TMEM132B: variants seen among roughly 807,000 people sequenced by gnomAD.
TMEM132B encodes the protein transmembrane protein 132B.
TMEM132B carries 18 observed loss-of-function variants against 90.8 expected under a neutral mutation model. The observed-to-expected ratio is 0.20, with a 90% CI of 0.14 to 0.29. The LOEUF (loss-of-function observed/expected upper bound fraction) is 0.29. Ranked by LOEUF, TMEM132B falls within the 10% of genes least tolerant of loss-of-function variation. The probability of loss-of-function intolerance (pLI) is 1.00; values close to 1 mark genes in which losing one functional copy is unlikely to be tolerated. For synonymous variants in TMEM132B, 504 were observed against 523.3 expected (o/e 0.96, Z 0.50); for missense variants, 1,096 against 1,326.8 (o/e 0.83, Z 2.70).
At chr12:125,393,647 C>T (rs934537409) in intron 2 of TMEM132B, among the ~76,000 whole-genome samples, 3 of 152,172 alleles carry the variant, frequency 2.0e-5, no homozygotes, top group Non-Finnish European at 4.4e-5. Context: ...ACAGCTGGCA[C>T]ACCTCAAAGA....
chr12:125,349,951 G>A lies in TMEM132B; in HGVS notation c.567G>A (p.Val189=). 1 of 1,614,200 alleles carries A rather than the reference G, an allele frequency of 6.2e-7. No homozygotes were observed. The highest frequency in any genetic ancestry group is 8.5e-7 in the Non-Finnish European group (1 of 1,180,042). Residue 189 remains valine (V), a synonymous_variant, in exon 2 of 9, where the codon GTG becomes GTA. Transcript: ENST00000682704. This position sits in a 1 kb window ranked among gnomAD's most constrained non-coding sequence, Gnocchi z 4.1. ...TGCAAGGGGCCCCAGGGCTGTGTGT[G>A]GCTGAGCTGGAGCTGCTGCCCGAGT... ...CRLQGAPGLC[V]AELELLPEWF...
rs139460526 is a variant in TMEM132B at position 125,422,832 on chromosome 12, G to A, written c.1106+7155G>A. ...CCCCTGGAGCCCTCGGCAGGAGCAC[G>A]TTTCTTTCAACACCTTGACTTTGGA... is the stretch of plus-strand genomic sequence containing the variant. On this transcript the variant is annotated intron_variant, in intron 3 of 8. Transcript: ENST00000682704. Among the ~76,000 whole-genome samples, 96 of 152,292 alleles carry A rather than the reference G, an allele frequency of 6.3e-4. 1 individual carries two copies. Among genetic ancestry groups the A allele is most frequent in the Admixed American group, 5.6e-3 (85 of 15,288 alleles).
Position 125,342,104 on chromosome 12 carries a change from TAG to T in TMEM132B, c.68-7344_68-7343del, listed in dbSNP as rs1877200574. ...CTTAAAGCCATTCTGTGGACTCTGA[TAG>T]AGACAAGCCACTCTGGATTCTGACT... On this transcript the variant is annotated intron_variant, in intron 1 of 8. Transcript: ENST00000682704. Among the ~76,000 whole-genome samples the T allele has an allele frequency of 2.6e-5, 4 of 152,314 alleles. No individual in the cohort carries two copies. The South Asian group carries it at 6.2e-4, about 24-fold the overall frequency.
intron 1 of TMEM132B, among the ~76,000 whole-genome samples, chr12:125,227,069 A>T (rs549894654): frequency 2.4e-4 from 36 of 152,224 alleles, no homozygotes; most frequent in Non-Finnish European, 4.3e-4. Flanking sequence ...AAGTGCCAGG[A>T]GTGAGTGACC....
intron 3 of TMEM132B, among the ~76,000 whole-genome samples, chr12:125,513,322 ATGTGCG>A (rs60822254): frequency 0.1 from 15,876 of 152,144 alleles, 1,176 homozygotes; most frequent in African/African-American, 0.21. Flanking sequence ...ACATACTTGT[ATGTGCG>A]TGTGCGTGTG....
intron 1 of TMEM132B, among the ~76,000 whole-genome samples, chr12:125,219,931 C>T (rs896357822): frequency 1.3e-5 from 2 of 152,188 alleles, no homozygotes; most frequent in Non-Finnish European, 2.9e-5. Flanking sequence ...TCATCAATAG[C>T]GACAGCTAAC....
At chr12:125,580,015 G>T (rs1406966171) in intron 4 of TMEM132B, among the ~76,000 whole-genome samples, 4 of 151,954 alleles carry the variant, frequency 2.6e-5, no homozygotes, top group Non-Finnish European at 5.9e-5. Context: ...TCTCTGCTTG[G>T]TTAGCTTGGT....
At chr12:125,625,287 C>T (rs540674587) in intron 5 of TMEM132B, among the ~76,000 whole-genome samples, 2 of 152,136 alleles carry the variant, frequency 1.3e-5, no homozygotes, top group East Asian at 1.9e-4. Flanking sequence ...CGCCCGCCCC[C>T]ACGCCCAGCT....
At chr12:125,627,663 A>G (rs1390914127) in intron 5 of TMEM132B, among the ~76,000 whole-genome samples, 1 of 152,132 alleles carries the variant, frequency 6.6e-6, no homozygotes, top group African/African-American at 2.4e-5. Flanking sequence ...CCTTTGTGTT[A>G]CAATCCAGTT....
chr12:125,220,869 C>G (rs1177324949), intron 1 of TMEM132B, among the ~76,000 whole-genome samples: 1 of 152,224 alleles, frequency 6.6e-6, no homozygotes, highest in Non-Finnish European at 1.5e-5. Flanking sequence ...TGAGCTTGGC[C>G]CACAAGGCCT....
chr12:125,272,436 C>T (rs7300238), intron 1 of TMEM132B, among the ~76,000 whole-genome samples: 18,081 of 152,146 alleles, frequency 0.12, 3,288 homozygotes, highest in African/African-American at 0.39. Flanking sequence ...ACTCCCTCTT[C>T]GGTCCAGCGA....
chr12:125,506,511 T>C (rs1882850405), intron 3 of TMEM132B, among the ~76,000 whole-genome samples: 1 of 152,196 alleles, frequency 6.6e-6, no homozygotes, highest in Non-Finnish European at 1.5e-5. Context: ...TTTTATCCCA[T>C]GTAAATTATA....
At chr12:125,549,313 C>T (rs1317303185) in intron 4 of TMEM132B, among the ~76,000 whole-genome samples, 1 of 152,212 alleles carries the variant, frequency 6.6e-6, no homozygotes, top group African/African-American at 2.4e-5. Context: ...CTCTGTTGAA[C>T]CCACCCACGC....
intron 4 of TMEM132B, among the ~76,000 whole-genome samples, chr12:125,556,271 C>G (rs947066941): frequency 6.6e-6 from 1 of 152,152 alleles, no homozygotes; most frequent in Non-Finnish European, 1.5e-5. Flanking sequence ...TTATCCTGAC[C>G]TGAACGTCAC....
chr12:125,346,773 T>A (rs901219540), intron 1 of TMEM132B, among the ~76,000 whole-genome samples: 2 of 152,242 alleles, frequency 1.3e-5, no homozygotes, highest in African/African-American at 4.8e-5. Context: ...AACCCAGGTC[T>A]ATACTATGGA....
intron 5 of TMEM132B, among the ~76,000 whole-genome samples, chr12:125,615,716 T>C (rs757301383): frequency 2.0e-5 from 3 of 152,204 alleles, no homozygotes; most frequent in African/African-American, 2.4e-5. Flanking sequence ...CTTTCAACTC[T>C]TTGTTACATT....
intron 2 of TMEM132B, among the ~76,000 whole-genome samples, chr12:125,383,098 A>G (rs1314506766): frequency 6.6e-6 from 1 of 152,134 alleles, no homozygotes; most frequent in Non-Finnish European, 1.5e-5. Context: ...AGCTGCTGTC[A>G]TCTTAGCTGA....
At chr12:125,296,582 A>G (rs985015760) in intron 1 of TMEM132B, among the ~76,000 whole-genome samples, 1 of 152,194 alleles carries the variant, frequency 6.6e-6, no homozygotes. Flanking sequence ...TGCTCTGTTT[A>G]TGATTTGCTG....
At chr12:125,320,727 C>T (rs1414665540) in intron 1 of TMEM132B, among the ~76,000 whole-genome samples, 1 of 152,172 alleles carries the variant, frequency 6.6e-6, no homozygotes, top group African/African-American at 2.4e-5. Context: ...TCCTGAAACA[C>T]CACGCACCAT....
Sources: gnomAD v4.1 joint callset for allele counts (sites outside exome capture counted in the v4.1 genomes callset) on GRCh38, gnomAD v4.1.1 for gene constraint, Gnocchi (gnomAD v3.1) non-coding constraint, MANE v1.5 for transcripts, NCBI Gene and HGNC (gene_info 2026-07-23, HGNC 2026-07-21) for gene names.